SBK1: variants seen among roughly 807,000 people sequenced by gnomAD.
SBK1 encodes the protein serine/threonine-protein kinase SBK1.
A neutral mutation model predicts 24.4 loss-of-function variants in SBK1; 11 were observed. The observed-to-expected ratio is 0.45, with a 90% CI of 0.28 to 0.75. The LOEUF (loss-of-function observed/expected upper bound fraction) is 0.75. Among genes scored for constraint, SBK1 ranks in the 30% least tolerant of loss-of-function variants. The pLI is 0.12. For synonymous variants in SBK1, 308 were observed against 284.4 expected (o/e 1.08, Z -0.83); for missense variants, 467 against 620.5 (o/e 0.75, Z 2.63).
rs1318269352 is a variant in SBK1 at position 28,320,474 on chromosome 16, G to C, written c.828G>C (p.Gly276=). The C allele has an allele frequency of 3.2e-6, 5 of 1,574,148 alleles. No homozygotes were observed. In the African/African-American group the frequency reaches 5.5e-5, roughly 17 times the overall value. ...FVRWQRGRLP[G]LPSQWRRFTE... ...GCTGGCAGCGGGGCCGCCTGCCGGG[G>C]CTGCCTTCGCAGTGGCGCCGCTTCA... The change falls in exon 4 of 4, where the codon GGG becomes GGC. Residue 276 remains glycine, a synonymous_variant. Coordinates refer to ENST00000341901, the MANE Select transcript of SBK1 (RefSeq NM_001024401.3). The surrounding 1 kb of genome is among the most constrained non-coding windows in gnomAD (Gnocchi z 8.5).
At position 28,321,606 on chromosome 16, in the gene SBK1, C is replaced by T. The variant is rs2044849491; in HGVS notation, c.*685C>T. 6.5e-6 allele frequency: 1 copy of T among 152,854 alleles called. No individual in the cohort carries two copies. Among genetic ancestry groups the T allele is most frequent in the South Asian group, 2.1e-4 (1 of 4,830 alleles). The allele number at this position is 152,854 out of a possible 1,614,324, so 9.5% of individuals were successfully genotyped here. A position where few individuals can be genotyped will look rare whatever the true frequency, so the allele number is the denominator to read the frequency against. On this transcript the variant is annotated 3_prime_UTR_variant, in exon 4 of 4. Coordinates refer to ENST00000341901, the MANE Select transcript of SBK1 (RefSeq NM_001024401.3). ...TATGTGCGGGACAGGCCCCGAGAAG[C>T]TAGTGACTCCTGCACACCCCCATTG...
At chr16:28,318,188 C>T (rs1167240554) in intron 2 of SBK1, among the ~76,000 whole-genome samples, 1 of 152,168 alleles carries the variant, frequency 6.6e-6, no homozygotes, top group African/African-American at 2.4e-5. Context: ...AGAGCCTTGT[C>T]GCTTAGTCAC....
upstream of SBK1, chr16:28,290,510 C>T (rs926318724): frequency 2.0e-5 from 3 of 152,256 alleles, no homozygotes; most frequent in African/African-American, 7.2e-5. Flanking sequence ...TGGCACACGC[C>T]TGTAATCCCA....
At chr16:28,304,481 G>C (rs926561376) in intron 1 of SBK1, among the ~76,000 whole-genome samples, 4 of 152,210 alleles carry the variant, frequency 2.6e-5, no homozygotes, top group Admixed American at 6.5e-5. Context: ...CTTTGGGCAA[G>C]TTGCTTAACC....
At chr16:28,277,177 T>G (rs1235789953) in intron 1 of SBK1, among the ~76,000 whole-genome samples, 11 of 151,962 alleles carry the variant, frequency 7.2e-5, no homozygotes, top group Admixed American at 5.9e-4. Context: ...GCTGAGAGGC[T>G]GCTGGAGGCT....
At chr16:28,273,698 TG>T (rs1233999547) in intron 1 of SBK1, among the ~76,000 whole-genome samples, 2 of 152,250 alleles carry the variant, frequency 1.3e-5, no homozygotes, top group Non-Finnish European at 2.9e-5. Context: ...CCTCCCACAG[TG>T]CTGGGATTCC....
At chr16:28,307,773 G>T (rs1389068877) in intron 1 of SBK1, among the ~76,000 whole-genome samples, 2 of 150,424 alleles carry the variant, frequency 1.3e-5, no homozygotes, top group Non-Finnish European at 3.0e-5. Flanking sequence ...AGAAAGAAAA[G>T]AAAAAATAAA....
At chr16:28,314,515 A>G (rs2044778735) in intron 1 of SBK1, among the ~76,000 whole-genome samples, 1 of 152,128 alleles carries the variant, frequency 6.6e-6, no homozygotes, top group African/African-American at 2.4e-5. Context: ...AGAGAGAGGA[A>G]GTAACTTGCC....
At chr16:28,301,121 C>T (rs1181182626) in intron 1 of SBK1, among the ~76,000 whole-genome samples, 1 of 151,874 alleles carries the variant, frequency 6.6e-6, no homozygotes, top group Non-Finnish European at 1.5e-5. Context: ...CAGCATCCTG[C>T]ACTCCTGTTG....
chr16:28,318,438 G>A (rs1314997912), intron 2 of SBK1, among the ~76,000 whole-genome samples: 3 of 152,242 alleles, frequency 2.0e-5, no homozygotes, highest in African/African-American at 7.2e-5. Context: ...GTAAAATAGG[G>A]TAACATTAGT....
chr16:28,290,126 G>C (rs1185639474), upstream of SBK1, among the ~76,000 whole-genome samples: 1 of 151,886 alleles, frequency 6.6e-6, no homozygotes, highest in African/African-American at 2.4e-5. Flanking sequence ...TCCTAGAATA[G>C]CGTGGCTGAG....
At chr16:28,299,916 G>A (rs1208563151) in intron 1 of SBK1, among the ~76,000 whole-genome samples, 1 of 152,190 alleles carries the variant, frequency 6.6e-6, no homozygotes, top group Non-Finnish European at 1.5e-5. Flanking sequence ...GCACACAGCA[G>A]GTCCCACCTC....
intron 1 of SBK1, among the ~76,000 whole-genome samples, chr16:28,312,186 G>A (rs1375097519): frequency 2.0e-5 from 3 of 152,202 alleles, no homozygotes; most frequent in Admixed American, 1.3e-4. Context: ...AGAGGGCTGC[G>A]TGCTCATCAG....
chr16:28,267,645 A>T (rs890458383), intron 1 of SBK1, among the ~76,000 whole-genome samples: 1 of 152,252 alleles, frequency 6.6e-6, no homozygotes, highest in Non-Finnish European at 1.5e-5. Flanking sequence ...TGGAAGATAA[A>T]TGAACACGTG....
At chr16:28,290,086 A>C (rs945977208), upstream of SBK1, among the ~76,000 whole-genome samples, 11 of 110,604 alleles carry the variant, frequency 9.9e-5, no homozygotes, top group African/African-American at 2.8e-4. Flanking sequence ...ACCCTGTCTC[A>C]AAAAAAAAAA....
intron 1 of SBK1, among the ~76,000 whole-genome samples, chr16:28,277,098 T>G (rs181111215): frequency 6.6e-6 from 1 of 151,926 alleles, no homozygotes. Flanking sequence ...GGCTGGGGTG[T>G]GGGCCTGGGA....
At chr16:28,272,116 TACTGAG>T (rs968809041) in intron 1 of SBK1, among the ~76,000 whole-genome samples, 7 of 152,310 alleles carry the variant, frequency 4.6e-5, no homozygotes, top group African/African-American at 1.7e-4. Flanking sequence ...CTTACTCTGT[TACTGAG>T]GCTGGAGTAC....
intron 1 of SBK1, among the ~76,000 whole-genome samples, chr16:28,296,513 C>T (rs1224743254): frequency 6.6e-6 from 1 of 152,180 alleles, no homozygotes; most frequent in Non-Finnish European, 1.5e-5. Flanking sequence ...GCTGAGATTA[C>T]AGCCACCACA....
Position 28,320,746 on chromosome 16 carries a change from C to T in SBK1, c.1100C>T (p.Pro367Leu). 8.1e-7 allele frequency: 1 copy of T among 1,227,036 alleles called. No individual in the cohort carries two copies. Among genetic ancestry groups the T allele is most frequent in the Non-Finnish European group, 1.0e-6 (1 of 975,922 alleles). The allele number at this position is 1,227,036 out of a possible 1,614,324, so 76.0% of individuals were successfully genotyped here. A position where few individuals can be genotyped will look rare whatever the true frequency, so the allele number is the denominator to read the frequency against. ...TESGSGSRPAPPAVGSVPLPV... is the reference protein window; with the variant it reads ...TESGSGSRPALPAVGSVPLPV... ...AGCGGCAGCGGCTCCCGGCCCGCGC[C>T]CCCCGCCGTCGGGTCGGTGCCCTTG... The change falls in exon 4 of 4, where the codon CCC (proline) becomes CTC (leucine). Residue 367 changes from proline (P) to leucine (L), a missense_variant. Coordinates refer to ENST00000341901, the MANE Select transcript of SBK1 (RefSeq NM_001024401.3). The surrounding 1 kb of genome is among the most constrained non-coding windows in gnomAD (Gnocchi z 8.5).
Sources: gnomAD v4.1 joint callset for allele counts (sites outside exome capture counted in the v4.1 genomes callset) on GRCh38, gnomAD v4.1.1 for gene constraint, Gnocchi (gnomAD v3.1) non-coding constraint, MANE v1.5 for transcripts, NCBI Gene and HGNC (gene_info 2026-07-23, HGNC 2026-07-21) for gene names.